Variants in KCNH1 observed in about 807,000 individuals in gnomAD.
KCNH1 encodes voltage-gated delayed rectifier potassium channel KCNH1.
KCNH1 carries 27 observed loss-of-function variants against 69.2 expected under a neutral mutation model. That is an observed-to-expected ratio of 0.39 (90% CI 0.29 to 0.54). KCNH1 has a LOEUF of 0.54. KCNH1 is among the 20% of genes least tolerant of loss of function. The probability of loss-of-function intolerance (pLI) is 0.68; values close to 1 mark genes in which losing one functional copy is unlikely to be tolerated. For synonymous variants in KCNH1, 456 were observed against 487.7 expected (o/e 0.93, Z 0.86); for missense variants, 798 against 1,261.6 (o/e 0.63, Z 5.57).
chr1:210,856,877 C>CTATATATATATATATA lies in KCNH1; in HGVS notation c.1463-52727_1463-52712dup, dbSNP rs150446990. 2.6e-3 allele frequency among the ~76,000 whole-genome samples: 269 copies of CTATATATATATATATA among 101,672 alleles called. 1 individual carries two copies. The highest frequency in any genetic ancestry group is 8.3e-3 in the African/African-American group (234 of 28,236). 66.7% of individuals were successfully genotyped at this position (101,672 alleles called of 152,430 possible). Reference sequence around the variant, plus strand: ...TAACCCACTATATATATATAACCCACTATATATATATATATATATATAAAA... The same window carrying CTATATATATATATATA: ...TAACCCACTATATATATATAACCCACTATATATATATATATATATATATATATATATATATATAAAA... On this transcript the variant is annotated intron_variant, in intron 7 of 10. Coordinates refer to ENST00000271751, the MANE Select transcript of KCNH1 (RefSeq NM_172362.3).
intron 10 of KCNH1, among the ~76,000 whole-genome samples, chr1:210,736,581 G>C (rs1387664653): frequency 6.6e-6 from 1 of 151,860 alleles, no homozygotes; most frequent in Admixed American, 6.6e-5. Context: ...AGAATACAGA[G>C]GTTCCATATC....
chr1:210,737,841 C>T (rs1024792273), intron 10 of KCNH1, among the ~76,000 whole-genome samples: 2 of 152,198 alleles, frequency 1.3e-5, no homozygotes, highest in East Asian at 1.9e-4. Context: ...GTTTCTTAAC[C>T]GGATTATTAC....
At chr1:211,016,449 C>A (rs1040994667) in intron 6 of KCNH1, among the ~76,000 whole-genome samples, 1 of 152,024 alleles carries the variant, frequency 6.6e-6, no homozygotes, top group Non-Finnish European at 1.5e-5. Context: ...TTTTAAAAAC[C>A]AGTGTGCTTC....
chr1:210,743,367 CT>C (rs925672067), intron 10 of KCNH1, among the ~76,000 whole-genome samples: 4 of 152,168 alleles, frequency 2.6e-5, no homozygotes, highest in African/African-American at 9.7e-5. Flanking sequence ...CACAGAAAGC[CT>C]TTGGAATCAG....
intron 6 of KCNH1, among the ~76,000 whole-genome samples, chr1:211,013,910 A>G (rs1037576230): frequency 6.6e-6 from 1 of 152,238 alleles, no homozygotes; most frequent in Non-Finnish European, 1.5e-5. Flanking sequence ...TTGGAAAGTT[A>G]AAATCACAAG....
chr1:210,764,188 C>T (rs770675837), intron 10 of KCNH1, among the ~76,000 whole-genome samples: 2 of 151,864 alleles, frequency 1.3e-5, no homozygotes, highest in Non-Finnish European at 2.9e-5. Context: ...GAAACTGGAC[C>T]CCTACCTCTC....
intron 5 of KCNH1, among the ~76,000 whole-genome samples, chr1:211,042,714 T>C (rs1429774232): frequency 6.6e-6 from 1 of 152,160 alleles, no homozygotes; most frequent in African/African-American, 2.4e-5. Context: ...GACCATATGA[T>C]AGGCCACAAA....
intron 7 of KCNH1, among the ~76,000 whole-genome samples, chr1:210,887,571 A>T (rs1437708102): frequency 2.0e-5 from 3 of 152,174 alleles, no homozygotes; most frequent in African/African-American, 7.2e-5. Flanking sequence ...AAACAGGCTA[A>T]ATGCCCCAAT....
intron 7 of KCNH1, among the ~76,000 whole-genome samples, chr1:210,901,639 A>G (rs114898177): frequency 0.018 from 2,666 of 152,300 alleles, 79 homozygotes; most frequent in African/African-American, 0.056. Flanking sequence ...GATGCAGAAA[A>G]AAAGGGAAAA....
At chr1:210,916,728 G>T (rs1464088278) in intron 7 of KCNH1, among the ~76,000 whole-genome samples, 2 of 152,184 alleles carry the variant, frequency 1.3e-5, no homozygotes, top group African/African-American at 2.4e-5. Context: ...TGTGTGTAGA[G>T]TATTTGGCAC....
At chr1:210,881,079 G>A (rs370980528) in intron 7 of KCNH1, among the ~76,000 whole-genome samples, 6 of 150,608 alleles carry the variant, frequency 4.0e-5, no homozygotes, top group East Asian at 1.9e-4. Flanking sequence ...GTGCAGTGGC[G>A]CAATCTCAGC....
At chr1:210,756,924 C>T (rs1683411817) in intron 10 of KCNH1, among the ~76,000 whole-genome samples, 1 of 152,232 alleles carries the variant, frequency 6.6e-6, no homozygotes, top group Non-Finnish European at 1.5e-5. Flanking sequence ...ATAGTGATTT[C>T]TCTCAGAAGG....
chr1:210,757,093 C>T (rs9430048), intron 10 of KCNH1, among the ~76,000 whole-genome samples: 8,807 of 152,238 alleles, frequency 0.058, 835 homozygotes, highest in African/African-American at 0.2. Context: ...TTTCTCTGAT[C>T]CTAGGAGTGC....
At chr1:211,083,906 T>C (rs926726130) in intron 4 of KCNH1, among the ~76,000 whole-genome samples, 2 of 152,122 alleles carry the variant, frequency 1.3e-5, no homozygotes, top group Admixed American at 1.3e-4. Context: ...AACAGAAAAA[T>C]GTCCATATTT....
chr1:210,863,023 G>C (rs1686014179), intron 7 of KCNH1, among the ~76,000 whole-genome samples: 1 of 152,190 alleles, frequency 6.6e-6, no homozygotes, highest in South Asian at 2.1e-4. Context: ...GTAAAGTTAG[G>C]CTTTGATGAC....
chr1:210,764,526 C>G (rs1008381744), intron 10 of KCNH1, among the ~76,000 whole-genome samples: 3 of 151,876 alleles, frequency 2.0e-5, no homozygotes, highest in African/African-American at 7.3e-5. Flanking sequence ...AAGCAAAAAC[C>G]AAATAACTTC....
chr1:210,877,844 T>C (rs1206985706), intron 7 of KCNH1, among the ~76,000 whole-genome samples: 2 of 152,194 alleles, frequency 1.3e-5, no homozygotes, highest in Non-Finnish European at 2.9e-5. Flanking sequence ...TACCACCTGA[T>C]ACATAGGTGA....
At chr1:210,939,426 G>A (rs1687839457) in intron 6 of KCNH1, among the ~76,000 whole-genome samples, 1 of 152,124 alleles carries the variant, frequency 6.6e-6, no homozygotes, top group Non-Finnish European at 1.5e-5. Context: ...GCCCAACAGA[G>A]GGGAGAGTGG....
intron 7 of KCNH1, among the ~76,000 whole-genome samples, chr1:210,848,909 T>G (rs1040034462): frequency 6.6e-6 from 1 of 152,320 alleles, no homozygotes; most frequent in African/African-American, 2.4e-5. Context: ...GGTAAAGAGT[T>G]AAGTGTCTTA....
Sources: allele counts gnomAD v4.1 joint callset (sites outside exome capture counted in the v4.1 genomes callset), GRCh38; gene constraint gnomAD v4.1.1; transcripts MANE v1.5; gene names NCBI Gene and HGNC (gene_info 2026-07-23, HGNC 2026-07-21).